Variants in DIAPH2 observed in about 807,000 individuals in gnomAD.
DIAPH2 encodes the protein protein diaphanous homolog 2.
Under a neutral mutation model 92.7 loss-of-function variants are expected in DIAPH2, and 35 were observed. The observed-to-expected ratio is 0.38, with a 90% confidence interval of 0.29 to 0.50. The LOEUF is 0.50. Among genes scored for constraint, DIAPH2 ranks in the 20% least tolerant of loss-of-function variants. DIAPH2 has a pLI of 0.94. For missense variants in DIAPH2, 701 were observed against 819.5 expected (o/e 0.86, Z 1.77); for synonymous variants, 301 against 280.4 (o/e 1.07, Z -0.73).
At chrX:97,288,913 C>T (rs2068567969) in intron 23 of DIAPH2, among the ~76,000 whole-genome samples, 1 of 111,184 alleles carries the variant, frequency 9.0e-6, no homozygotes, top group African/African-American at 3.3e-5. Flanking sequence ...TTATTGTGAG[C>T]AACATTCCTT....
chrX:97,123,223 G>A (rs1271775762), intron 21 of DIAPH2, among the ~76,000 whole-genome samples: 1 of 111,635 alleles, frequency 9.0e-6, no homozygotes, highest in Admixed American at 9.5e-5. Context: ...TGCTTACTGA[G>A]CTCTCATCAT....
intron 5 of DIAPH2, chrX:96,884,497 G>T (rs2065243927): frequency 1.2e-5 from 14 of 1,208,843 alleles, no homozygotes; most frequent in Non-Finnish European, 1.5e-5. Flanking sequence ...GTTTGACCCT[G>T]TGTTCAAGGT....
chrX:96,916,298 A>G, intron 7 of DIAPH2, 140 bp from the exon 8 acceptor site: 1 of 513,366 alleles, frequency 1.9e-6, no homozygotes, highest in Non-Finnish European at 2.9e-6. Flanking sequence ...AGATAACTGC[A>G]TTTGAAGAAT....
intron 4 of DIAPH2, among the ~76,000 whole-genome samples, chrX:96,775,391 GTA>G (rs1556146382): frequency 2.0e-5 from 2 of 101,399 alleles, no homozygotes; most frequent in Non-Finnish European, 4.1e-5. Flanking sequence ...GTGTGTGTGT[GTA>G]TACTTCCTCA....
intron 17 of DIAPH2, among the ~76,000 whole-genome samples, chrX:97,049,316 A>G (rs1287257402): frequency 9.0e-6 from 1 of 110,858 alleles, no homozygotes; most frequent in South Asian, 3.8e-4. Context: ...CCATATATTC[A>G]TACTCTAGTT....
At chrX:97,227,222 C>T (rs951788481) in intron 22 of DIAPH2, among the ~76,000 whole-genome samples, 11 of 110,761 alleles carry the variant, frequency 9.9e-5, no homozygotes, top group Non-Finnish European at 1.1e-4. Context: ...TACAGTGAGC[C>T]GAGATCACGC....
chrX:96,691,318 C>T (rs755495202), intron 1 of DIAPH2, among the ~76,000 whole-genome samples: 18 of 111,258 alleles, frequency 1.6e-4, no homozygotes, highest in Middle Eastern at 9.2e-3. Flanking sequence ...TGATGATGTC[C>T]AGGTAACTTA....
chrX:97,455,658 C>G (rs2070397714), intron 26 of DIAPH2, among the ~76,000 whole-genome samples: 1 of 112,227 alleles, frequency 8.9e-6, no homozygotes, highest in South Asian at 3.7e-4. Flanking sequence ...CATTCCTCTC[C>G]TCTTACATGT....
intron 25 of DIAPH2, among the ~76,000 whole-genome samples, chrX:97,416,856 C>T (rs1393252778): frequency 8.9e-6 from 1 of 112,356 alleles, no homozygotes; most frequent in African/African-American, 3.2e-5. Flanking sequence ...GTAACAGACA[C>T]TCCCTCTTTT....
chrX:97,254,713 TTTTATTTTA>T (rs1451833213), intron 23 of DIAPH2, among the ~76,000 whole-genome samples: 1 of 108,604 alleles, frequency 9.2e-6, no homozygotes, highest in Non-Finnish European at 1.9e-5. Flanking sequence ...TTTTATTTTA[TTTTATTTTA>T]TTTATTTTAT....
chrX:97,270,940 A>G (rs187408079), intron 23 of DIAPH2, among the ~76,000 whole-genome samples: 1 of 110,972 alleles, frequency 9.0e-6, no homozygotes, highest in East Asian at 2.9e-4. Context: ...GCAAATTGTT[A>G]TACAGTGTGC....
intron 5 of DIAPH2, among the ~76,000 whole-genome samples, chrX:96,897,012 A>G (rs775401894): frequency 2.7e-5 from 3 of 111,628 alleles, no homozygotes; most frequent in African/African-American, 9.7e-5. Flanking sequence ...GGGATTATTA[A>G]GGATTTTGAA....
intron 1 of DIAPH2, among the ~76,000 whole-genome samples, chrX:96,728,183 A>T (rs1018099569): frequency 1.4e-4 from 15 of 110,753 alleles, no homozygotes; most frequent in African/African-American, 4.9e-4. Flanking sequence ...ATAGTTTCGC[A>T]TTTAGTTATT....
At chrX:97,428,534 T>G (rs1207883561) in intron 25 of DIAPH2, among the ~76,000 whole-genome samples, 1 of 101,671 alleles carries the variant, frequency 9.8e-6, no homozygotes, top group East Asian at 3.1e-4. Context: ...AAACTCTGTC[T>G]CAAAAAAAAA....
At position 96,720,626 on chromosome X, in the gene DIAPH2, A is replaced by G. The variant is rs1319190139; in HGVS notation, c.133-15132A>G. Among the ~76,000 whole-genome samples, 4 of 111,771 alleles carry G rather than the reference A, an allele frequency of 3.6e-5. No homozygotes were observed. The South Asian group carries it at 1.5e-3, about 41-fold the overall frequency. The stretch of plus-strand genomic sequence containing the variant: ...TCTCATTGGTCATGCTGGCAGGGAA[A>G]AGAGAAGCCAGAAGAAAATTCAAGT... On this transcript the variant is annotated intron_variant, in intron 1 of 26. Transcript: ENST00000324765.
intron 21 of DIAPH2, among the ~76,000 whole-genome samples, chrX:97,128,521 G>T (rs2067109238): frequency 9.0e-6 from 1 of 111,313 alleles, no homozygotes; most frequent in Non-Finnish European, 1.9e-5. Context: ...TATTTAAGAT[G>T]GAGTTGCTCT....
chrX:97,537,227 T>G (rs1273547007), intron 26 of DIAPH2, among the ~76,000 whole-genome samples: 1 of 111,510 alleles, frequency 9.0e-6, no homozygotes, highest in Non-Finnish European at 1.9e-5. Context: ...CATGCAATGT[T>G]TACAAGTAGC....
intron 22 of DIAPH2, among the ~76,000 whole-genome samples, chrX:97,186,058 G>T (rs150455933): frequency 0.016 from 1,720 of 109,924 alleles, 30 homozygotes; most frequent in African/African-American, 0.054. Context: ...CCAAATCCCG[G>T]ACCTATATAA....
intron 4 of DIAPH2, among the ~76,000 whole-genome samples, chrX:96,810,739 C>G (rs1349574863): frequency 9.0e-6 from 1 of 111,579 alleles, no homozygotes; most frequent in Non-Finnish European, 1.9e-5. Flanking sequence ...CTACATATGG[C>G]TAGCCAGTTT....
Sources: allele counts gnomAD v4.1 joint callset (sites outside exome capture counted in the v4.1 genomes callset), GRCh38; gene constraint gnomAD v4.1.1; transcripts MANE v1.5; gene names NCBI Gene and HGNC (gene_info 2026-07-23, HGNC 2026-07-21).